The following AP2A2 variants were observed in gnomAD, a reference collection of about 807,000 sequenced individuals.
AP2A2 encodes the protein AP-2 complex subunit alpha-2.
In AP2A2, 32 loss-of-function variants were observed where a neutral mutation model predicts 104.2. The ratio of observed to expected loss-of-function variants is 0.31; its 90% CI spans 0.23 to 0.41. The LOEUF is 0.41. Among genes scored for constraint, AP2A2 ranks in the 10% least tolerant of loss-of-function variants. AP2A2 has a pLI of 1.00. For missense variants in AP2A2, 912 were observed against 1,261.0 expected (o/e 0.72, Z 4.19); for synonymous variants, 539 against 533.3 (o/e 1.01, Z -0.15).
Position 1,011,820 on chromosome 11 carries a change from AG to A in AP2A2, c.*1199del. 3.3e-6 allele frequency: 1 copy of A among 299,084 alleles called. No individual in the cohort carries two copies. Among genetic ancestry groups the A allele is most frequent in the Non-Finnish European group, 6.6e-6 (1 of 151,630 alleles). 18.5% of individuals were successfully genotyped at this position (299,084 alleles called of 1,614,324 possible). A position where few individuals can be genotyped will look rare whatever the true frequency, so the allele number is the denominator to read the frequency against. Reference sequence around the variant, plus strand: ...CTGTGCGGGTCCCTGGGGCAGCTGCAGGGGCTCATGGACCCATCAGGGTCTC... The same window carrying A: ...CTGTGCGGGTCCCTGGGGCAGCTGCAGGGCTCATGGACCCATCAGGGTCTC... On this transcript the variant is annotated 3_prime_UTR_variant, in exon 22 of 22. Coordinates refer to ENST00000448903, the MANE Select transcript of AP2A2 (RefSeq NM_012305.4).
At chr11:1,002,597 G>A (rs967768609) in intron 15 of AP2A2, among the ~76,000 whole-genome samples, 2 of 152,250 alleles carry the variant, frequency 1.3e-5, no homozygotes, top group Admixed American at 6.5e-5. Flanking sequence ...ATTGCGTGGC[G>A]AGCAGCGCCC....
intron 6 of AP2A2, among the ~76,000 whole-genome samples, chr11:982,625 T>C (rs2133696419): frequency 6.6e-6 from 1 of 152,298 alleles, no homozygotes; most frequent in African/African-American, 2.4e-5. Context: ...TAAAAACATT[T>C]GAACTTGCAG....
At chr11:984,858 C>A in intron 7 of AP2A2, 105 bp downstream of exon 7, 2 of 997,076 alleles carry the variant, frequency 2.0e-6, no homozygotes, top group Non-Finnish European at 3.1e-6. Context: ...GTTACTAGCC[C>A]TGTCTCTTGA....
At chr11:974,461 G>A (rs1026955303) in intron 4 of AP2A2, among the ~76,000 whole-genome samples, 2 of 152,144 alleles carry the variant, frequency 1.3e-5, no homozygotes, top group African/African-American at 4.8e-5. Flanking sequence ...AGGTGGGCGG[G>A]CCTGAGGTCA....
At chr11:983,425 C>T (rs886849232) in intron 6 of AP2A2, among the ~76,000 whole-genome samples, 2 of 151,848 alleles carry the variant, frequency 1.3e-5, no homozygotes, top group Non-Finnish European at 2.9e-5. Context: ...CTCTGTCGCC[C>T]AGGCTGGAGT....
intron 21 of AP2A2, chr11:1,010,257 G>A (rs770462363): frequency 1.9e-6 from 1 of 534,772 alleles, no homozygotes; most frequent in Non-Finnish European, 3.3e-6. Context: ...GAGTGCTGCT[G>A]TCGCCCAGGG....
intron 1 of AP2A2, among the ~76,000 whole-genome samples, chr11:934,854 T>G (rs1399399218): frequency 6.6e-6 from 1 of 151,820 alleles, no homozygotes; most frequent in Admixed American, 6.6e-5. Flanking sequence ...TACGTGTTTC[T>G]TTTCTTTTCT....
At chr11:962,604 G>A (rs976846253) in intron 2 of AP2A2, among the ~76,000 whole-genome samples, 30 of 151,990 alleles carry the variant, frequency 2.0e-4, no homozygotes, top group African/African-American at 6.8e-4. Flanking sequence ...GTGGAGGCGC[G>A]TGCCTATAGT....
chr11:998,459 G>A (rs1855927859), intron 14 of AP2A2, among the ~76,000 whole-genome samples: 1 of 151,394 alleles, frequency 6.6e-6, no homozygotes, highest in Non-Finnish European at 1.5e-5. Flanking sequence ...TGAAAGTACA[G>A]TGTGACACCT....
At chr11:929,269 A>G (rs7396670) in intron 1 of AP2A2, among the ~76,000 whole-genome samples, 84,393 of 151,924 alleles carry the variant, frequency 0.56, 24,641 homozygotes, top group Middle Eastern at 0.72. Context: ...TTTTCCTGTC[A>G]TGAGAGTGAA....
intron 14 of AP2A2, among the ~76,000 whole-genome samples, chr11:997,904 C>CA (rs1400400026): frequency 6.6e-6 from 1 of 151,746 alleles, no homozygotes; most frequent in Non-Finnish European, 1.5e-5. Flanking sequence ...GACTCGGTCT[C>CA]AAAAAAATAA....
At chr11:956,161 G>A (rs958378894) in intron 1 of AP2A2, among the ~76,000 whole-genome samples, 1 of 152,146 alleles carries the variant, frequency 6.6e-6, no homozygotes, top group East Asian at 1.9e-4. Context: ...ATACCGTAGT[G>A]AGAACTTGTC....
At position 1,009,740 on chromosome 11, in the gene AP2A2, G is replaced by A. The variant is rs1467768827; in HGVS notation, c.2665G>A (p.Val889Met). 5 of 1,556,480 alleles carry A rather than the reference G, an allele frequency of 3.2e-6. No individual in the cohort carries two copies. Among genetic ancestry groups the A allele is most frequent in the South Asian group, 1.2e-5 (1 of 84,422 alleles). ...EEVDPNPANF[V>M]GAGIIHTKTT... Reference sequence around the variant, plus strand: ...AGTTGATCCTAATCCTGCGAATTTCGTGGGAGCTGGAATCATCCACACGAA... The same window carrying A: ...AGTTGATCCTAATCCTGCGAATTTCATGGGAGCTGGAATCATCCACACGAA... Residue 889 changes from valine (V) to methionine (M), a missense_variant, in exon 21 of 22, where the codon GTG becomes ATG. Physicochemically the swap from Val to Met is conservative, Grantham distance 21 (BLOSUM62 1). Transcript: ENST00000448903.
intron 2 of AP2A2, among the ~76,000 whole-genome samples, chr11:969,365 G>T (rs534158888): frequency 1.3e-5 from 2 of 151,662 alleles, no homozygotes; most frequent in Non-Finnish European, 2.9e-5. Context: ...GAGTAGCTGG[G>T]ATTACAGGCA....
intron 1 of AP2A2, among the ~76,000 whole-genome samples, chr11:939,206 G>A (rs1024223921): frequency 7.2e-6 from 1 of 139,336 alleles, no homozygotes; most frequent in East Asian, 2.2e-4. Flanking sequence ...AGCCGAGATC[G>A]CACCATTGCA....
At chr11:987,084 C>T (rs546431226) in intron 9 of AP2A2, 131 bp downstream of exon 9, 43 of 1,095,564 alleles carry the variant, frequency 3.9e-5, no homozygotes, top group South Asian at 4.6e-5. Flanking sequence ...TGCTGGCCTC[C>T]GCCTGTCACC....
rs1855758986 is a variant in AP2A2, at chr11:994,105, G to A, written c.1816G>A (p.Glu606Lys). ...GCTGGAGGAGATGCCCCCATTCCCG[G>A]AGCGGGAGTCCTCCATCTTGGCAAA... ...TVLEEMPPFP[E>K]RESSILAKLK... The change falls in exon 14 of 22, where the codon GAG becomes AAG. Residue 606 changes from glutamate to lysine, a missense_variant. By Grantham distance (56) the Glu-to-Lys change is moderately conservative. This residue lies in a region of AP2A2 where 137 missense variants were observed against 186.9 expected (regional missense o/e 0.73). Coordinates refer to ENST00000448903, the MANE Select transcript of AP2A2 (RefSeq NM_012305.4). 1 of 1,612,938 alleles carries A rather than the reference G, an allele frequency of 6.2e-7. No homozygotes were observed.
chr11:956,359 C>G (rs555929233), intron 1 of AP2A2, among the ~76,000 whole-genome samples: 1 of 152,226 alleles, frequency 6.6e-6, no homozygotes, highest in South Asian at 2.1e-4. Flanking sequence ...GACGGGGTTT[C>G]GCCACGTTGG....
chr11:950,121 G>A (rs1853996668), intron 1 of AP2A2, among the ~76,000 whole-genome samples: 1 of 152,080 alleles, frequency 6.6e-6, no homozygotes, highest in African/African-American at 2.4e-5. Context: ...TTCAATGGTG[G>A]GGGAAAAGAA....
Sources: allele counts gnomAD v4.1 joint callset (sites outside exome capture counted in the v4.1 genomes callset), GRCh38; gene constraint gnomAD v4.1.1; regional missense constraint gnomAD v4.1.1; transcripts MANE v1.5; gene names NCBI Gene and HGNC (gene_info 2026-07-23, HGNC 2026-07-21).